The following BABAM2 variants were observed in gnomAD, a reference collection of about 807,000 sequenced individuals.
BABAM2 encodes the protein BRISC and BRCA1 A complex member 2.
Under a neutral mutation model 54.7 loss-of-function variants are expected in BABAM2, and 31 were observed. That is an observed-to-expected ratio of 0.57 (90% CI 0.43 to 0.77). The LOEUF is 0.77. Among genes scored for constraint, BABAM2 ranks in the 30% least tolerant of loss-of-function variants. The pLI is 0.00. For missense variants in BABAM2, 364 were observed against 455.8 expected, an observed-to-expected ratio of 0.80 and a Z score of 1.83; for synonymous variants, 167 against 162.9, an observed-to-expected ratio of 1.03 and a Z score of -0.19.
intron 7 of BABAM2, among the ~76,000 whole-genome samples, chr2:28,202,112 A>T (rs1251462748): frequency 6.6e-6 from 1 of 152,132 alleles, no homozygotes; most frequent in African/African-American, 2.4e-5. Context: ...TCACACCTCT[A>T]CTCTGATAAG....
At chr2:28,332,242 A>C (rs2148335400) in intron 11 of BABAM2, among the ~76,000 whole-genome samples, 1 of 152,338 alleles carries the variant, frequency 6.6e-6, no homozygotes, top group South Asian at 2.1e-4. Flanking sequence ...GCAAACCACC[A>C]TGGCACACTT....
At chr2:28,082,916 A>G (rs1232100420) in intron 6 of BABAM2, among the ~76,000 whole-genome samples, 3 of 151,882 alleles carry the variant, frequency 2.0e-5, no homozygotes, top group Non-Finnish European at 4.4e-5. Context: ...CACATGCACC[A>G]CTCTTTTCAG....
At chr2:27,970,240 T>C (rs1428359468) in intron 3 of BABAM2, among the ~76,000 whole-genome samples, 1 of 152,228 alleles carries the variant, frequency 6.6e-6, no homozygotes, top group Non-Finnish European at 1.5e-5. Flanking sequence ...TCCTGTATTT[T>C]CAGAATTTGC....
intron 6 of BABAM2, among the ~76,000 whole-genome samples, chr2:28,087,454 C>T (rs1265439274): frequency 6.6e-6 from 1 of 152,048 alleles, no homozygotes; most frequent in Non-Finnish European, 1.5e-5. Context: ...GCCACTAGAT[C>T]CTTGTAGGAA....
At chr2:27,958,309 A>C (rs906345035) in intron 3 of BABAM2, among the ~76,000 whole-genome samples, 5 of 152,078 alleles carry the variant, frequency 3.3e-5, no homozygotes, top group Non-Finnish European at 5.9e-5. Context: ...AGAAGAGCAG[A>C]GATATAGAGG....
At chr2:28,123,315 T>C (rs987639982) in intron 6 of BABAM2, among the ~76,000 whole-genome samples, 3 of 152,174 alleles carry the variant, frequency 2.0e-5, no homozygotes, top group Non-Finnish European at 2.9e-5. Flanking sequence ...TCATGGCCGT[T>C]ATTGCTTTAC....
chr2:28,165,420 G>A (rs564289515), intron 7 of BABAM2, among the ~76,000 whole-genome samples: 50 of 151,688 alleles, frequency 3.3e-4, no homozygotes, highest in Non-Finnish European at 6.3e-4. Flanking sequence ...AACTAAGTTG[G>A]GTAGCCAAGT....
At chr2:27,903,332 A>T (rs1665949224) in intron 2 of BABAM2, among the ~76,000 whole-genome samples, 1 of 152,180 alleles carries the variant, frequency 6.6e-6, no homozygotes, top group Non-Finnish European at 1.5e-5. Context: ...ATTCTTAAAA[A>T]TTGTCTTGCT....
chr2:28,334,709 G>T (rs974545288), intron 11 of BABAM2, among the ~76,000 whole-genome samples: 30 of 152,320 alleles, frequency 2.0e-4, no homozygotes, highest in African/African-American at 7.2e-4. Flanking sequence ...TGAAACATAT[G>T]GAAGGAATAA....
intron 4 of BABAM2, among the ~76,000 whole-genome samples, chr2:28,007,882 T>C (rs753605075): frequency 1.3e-5 from 2 of 152,192 alleles, no homozygotes; most frequent in Non-Finnish European, 2.9e-5. Context: ...TTCTTTTCTC[T>C]ACTTCTGCTA....
chr2:27,992,287 A>G (rs1672837803), intron 4 of BABAM2, among the ~76,000 whole-genome samples: 1 of 152,172 alleles, frequency 6.6e-6, no homozygotes. Flanking sequence ...TAAACAAAAG[A>G]CAAAGAGTCA....
chr2:28,043,569 T>C (rs1009995460), intron 5 of BABAM2, among the ~76,000 whole-genome samples: 3 of 152,206 alleles, frequency 2.0e-5, no homozygotes, highest in Admixed American at 2.0e-4. Context: ...CATTTAACTC[T>C]ATGCTGTTAT....
chr2:28,152,547 G>A (rs755387667), intron 7 of BABAM2, among the ~76,000 whole-genome samples: 1 of 152,184 alleles, frequency 6.6e-6, no homozygotes, highest in African/African-American at 2.4e-5. Context: ...CTGTGAAGGT[G>A]TCTTGGGTAA....
rs145915498 is a variant in BABAM2, at chr2:28,269,174, A to G, written c.934+24312A>G. On this transcript the variant is annotated intron_variant, in intron 10 of 11. Coordinates refer to ENST00000379624, the MANE Select transcript of BABAM2 (RefSeq NM_199191.3). ...AAAGACCCAAAGAAACCACCCCAGT[A>G]ATGGTTGCCAGCCCTGATCCATCCC... Among the ~76,000 whole-genome samples, 5 of 152,332 alleles carry G rather than the reference A, an allele frequency of 3.3e-5. No homozygotes were observed. The East Asian group carries it at 9.6e-4, about 29-fold the overall frequency.
chr2:28,193,418 G>A (rs1677153094), intron 7 of BABAM2, among the ~76,000 whole-genome samples: 2 of 152,166 alleles, frequency 1.3e-5, no homozygotes, highest in East Asian at 1.9e-4. Flanking sequence ...TGGCTCTGAC[G>A]CTTAATAAAC....
rs138022974 is a variant in BABAM2 at position 27,906,606 on chromosome 2, G to C, written c.128+11922G>C. Among the ~76,000 whole-genome samples the C allele has an allele frequency of 3.6e-3, 542 of 152,256 alleles. 3 individuals are homozygous for C. Among genetic ancestry groups the C allele is most frequent in the African/African-American group, 0.012 (516 of 41,538 alleles). The stretch of plus-strand genomic sequence containing the variant: ...CAGAGTCTGGGGTAGTAAGTGCCAG[G>C]ATAAATTGGGGTCTGAGATTTTAGG... On this transcript the variant is annotated intron_variant, in intron 2 of 11. Coordinates refer to ENST00000379624, the MANE Select transcript of BABAM2 (RefSeq NM_199191.3).
intron 3 of BABAM2, among the ~76,000 whole-genome samples, chr2:27,966,013 T>C (rs72812522): frequency 0.031 from 4,721 of 152,310 alleles, 103 homozygotes; most frequent in South Asian, 0.1. Context: ...ATTTCATTTC[T>C]GTGGTGTCAT....
chr2:27,929,613 A>G (rs1049525497), intron 2 of BABAM2, among the ~76,000 whole-genome samples: 1 of 152,226 alleles, frequency 6.6e-6, no homozygotes, highest in Non-Finnish European at 1.5e-5. Context: ...GTTAGAACAC[A>G]TGTAAGTTTT....
chr2:28,138,745 C>G (rs533530954), intron 7 of BABAM2, among the ~76,000 whole-genome samples: 2 of 152,118 alleles, frequency 1.3e-5, no homozygotes, highest in Non-Finnish European at 2.9e-5. Flanking sequence ...ACCCAGGCAT[C>G]CTATTTTTGA....
Sources: allele counts gnomAD v4.1 joint callset (sites outside exome capture counted in the v4.1 genomes callset), GRCh38; gene constraint gnomAD v4.1.1; transcripts MANE v1.5; gene names NCBI Gene and HGNC (gene_info 2026-07-23, HGNC 2026-07-21).